PALS1: variants seen among roughly 807,000 people sequenced by gnomAD.
PALS1 encodes protein PALS1.
In PALS1, 31 loss-of-function variants were observed where a neutral mutation model predicts 78.9. That is an observed-to-expected ratio of 0.39 (90% confidence interval 0.30 to 0.53). PALS1 has a LOEUF of 0.53. Among genes scored for constraint, PALS1 ranks in the 20% least tolerant of loss-of-function variants. The pLI, the probability that PALS1 is intolerant of heterozygous loss-of-function variation, is 0.67. For synonymous variants in PALS1, 276 were observed against 270.9 expected, an observed-to-expected ratio of 1.02 and a Z score of -0.18; for missense variants, 704 against 826.5, an observed-to-expected ratio of 0.85 and a Z score of 1.82.
chr14:67,244,803 C>G (rs1162215929), intron 1 of PALS1, among the ~76,000 whole-genome samples: 1 of 152,130 alleles, frequency 6.6e-6, no homozygotes, highest in African/African-American at 2.4e-5. Context: ...CAAAGATATC[C>G]TAATCCCTGG....
chr14:67,304,251 A>C (rs1014294743), intron 8 of PALS1, among the ~76,000 whole-genome samples: 1 of 152,188 alleles, frequency 6.6e-6, no homozygotes, highest in East Asian at 1.9e-4. Flanking sequence ...ATCTGTTAAA[A>C]GTCAGTCTCC....
chr14:67,334,725 G>C lies in PALS1; in HGVS notation c.*1769G>C, dbSNP rs1347946158. 6.6e-6 allele frequency: 1 copy of C among 152,210 alleles called. No homozygotes were observed. Among genetic ancestry groups the C allele is most frequent in the Non-Finnish European group, 1.5e-5 (1 of 68,034 alleles). The allele number at this position is 152,210 out of a possible 1,614,324, so 9.4% of individuals were successfully genotyped here. On this transcript the variant is annotated 3_prime_UTR_variant, in exon 15 of 15. Transcript: ENST00000261681. ...AATGCCATACACTACTGTCTCTTCA[G>C]ATCTGAAATACTCCAGTTTAGAGCC... is the stretch of plus-strand genomic sequence containing the variant.
At chr14:67,328,385 C>CT (rs1172252947) in intron 14 of PALS1, among the ~76,000 whole-genome samples, 1 of 152,140 alleles carries the variant, frequency 6.6e-6, no homozygotes, top group Non-Finnish European at 1.5e-5. Context: ...GATATTAGCC[C>CT]TTTGTCAGAT....
chr14:67,254,768 G>A (rs937210587), intron 1 of PALS1, among the ~76,000 whole-genome samples: 3 of 152,176 alleles, frequency 2.0e-5, no homozygotes, highest in South Asian at 4.1e-4. Context: ...ACCAATAAGC[G>A]ATCTAGGTAG....
intron 9 of PALS1, 147 bp from the exon 10 acceptor site, chr14:67,316,685 G>T: frequency 1.8e-6 from 1 of 540,574 alleles, no homozygotes. Context: ...ACACATCATA[G>T]CTGACATTAC....
At chr14:67,269,917 G>A (rs1386254329) in intron 2 of PALS1, 134 bp downstream of exon 2, 1 of 152,246 alleles carries the variant, frequency 6.6e-6, no homozygotes, top group Admixed American at 6.6e-5. Context: ...CCAGCTGCTG[G>A]TCAAAGGGCA....
At chr14:67,308,701 G>A (rs939607495) in intron 8 of PALS1, among the ~76,000 whole-genome samples, 4 of 151,706 alleles carry the variant, frequency 2.6e-5, no homozygotes, top group Admixed American at 1.3e-4. Context: ...ACCCTGTACC[G>A]TGTACAAGTA....
At chr14:67,327,970 T>A (rs1282635600) in intron 14 of PALS1, among the ~76,000 whole-genome samples, 3 of 152,254 alleles carry the variant, frequency 2.0e-5, no homozygotes, top group Admixed American at 6.5e-5. Context: ...TATAGCAGCA[T>A]GATTTATAAT....
intron 8 of PALS1, among the ~76,000 whole-genome samples, chr14:67,309,689 C>T (rs2085058956): frequency 6.6e-6 from 1 of 152,174 alleles, no homozygotes. Context: ...GTCTTAATTT[C>T]TCTCAGGGTA....
chr14:67,279,911 A>ACTATTTGTT, intron 3 of PALS1: 1 of 190,160 alleles, frequency 5.3e-6, no homozygotes, highest in Non-Finnish European at 1.1e-5. Flanking sequence ...TAAAATAGTA[A>ACTATTTGTT]TAAATTTGTA....
chr14:67,251,351 A>G (rs895857120), intron 1 of PALS1, among the ~76,000 whole-genome samples: 1 of 152,168 alleles, frequency 6.6e-6, no homozygotes, highest in African/African-American at 2.4e-5. Flanking sequence ...TGGGCAACAC[A>G]GTGGGACCCT....
chr14:67,329,323 A>G (rs2085405590), intron 14 of PALS1, among the ~76,000 whole-genome samples: 1 of 152,150 alleles, frequency 6.6e-6, no homozygotes, highest in Admixed American at 6.6e-5. Context: ...CTGCACATTG[A>G]TTTTGTATCC....
intron 8 of PALS1, among the ~76,000 whole-genome samples, chr14:67,309,070 A>T (rs887885942): frequency 6.6e-6 from 1 of 152,222 alleles, no homozygotes; most frequent in African/African-American, 2.4e-5. Context: ...TACAATTTGA[A>T]ATGTAAACAG....
intron 9 of PALS1, among the ~76,000 whole-genome samples, chr14:67,313,628 T>G (rs1203593676): frequency 6.6e-6 from 1 of 152,088 alleles, no homozygotes; most frequent in African/African-American, 2.4e-5. Flanking sequence ...ATGATAAAAA[T>G]AGGGATATAG....
At chr14:67,314,546 T>C (rs999960993) in intron 9 of PALS1, among the ~76,000 whole-genome samples, 1 of 152,192 alleles carries the variant, frequency 6.6e-6, no homozygotes, top group Non-Finnish European at 1.5e-5. Flanking sequence ...ACAGGACATT[T>C]CTCTAGAATC....
intron 8 of PALS1, among the ~76,000 whole-genome samples, chr14:67,308,681 G>C (rs2085046279): frequency 6.6e-6 from 1 of 151,730 alleles, no homozygotes. Flanking sequence ...AAGTAGCTGG[G>C]ATTACAGCTA....
chr14:67,301,410 G>T lies in PALS1; in HGVS notation c.598G>T (p.Val200Phe), dbSNP rs377166312. 82 of 1,609,844 alleles carry T rather than the reference G, an allele frequency of 5.1e-5. No individual in the cohort carries two copies. Among genetic ancestry groups the T allele is most frequent in the Non-Finnish European group, 7.0e-5 (82 of 1,177,564 alleles). The change falls in exon 5 of 15, where the codon GTT (valine) becomes TTT (phenylalanine). Residue 200 changes from valine (V) to phenylalanine (F), a missense_variant. Transcript: ENST00000261681. ...TTAGGTACAAACTGTTTTGAAGCCAGTTCATCATAAGGAAGGACAAGAACT... is the reference window on the plus strand; with the variant it reads ...TTAGGTACAAACTGTTTTGAAGCCATTTCATCATAAGGAAGGACAAGAACT... ...AQEVQTVLKP[V>F]HHKEGQELTA...
At chr14:67,319,643 TCA>T (rs1171472610) in intron 11 of PALS1, among the ~76,000 whole-genome samples, 7 of 150,860 alleles carry the variant, frequency 4.6e-5, no homozygotes, top group African/African-American at 7.3e-5. Context: ...CAAAACAATC[TCA>T]CAGTGTTTTA....
intron 1 of PALS1, among the ~76,000 whole-genome samples, chr14:67,254,548 T>C (rs1011058311): frequency 5.9e-5 from 9 of 152,226 alleles, no homozygotes; most frequent in East Asian, 3.8e-4. Context: ...TCCTTTCTTA[T>C]CAGATTTTTC....
Sources: allele counts gnomAD v4.1 joint callset (sites outside exome capture counted in the v4.1 genomes callset), GRCh38; gene constraint gnomAD v4.1.1; transcripts MANE v1.5; gene names NCBI Gene and HGNC (gene_info 2026-07-23, HGNC 2026-07-21).